The following OCA2 variants were observed in gnomAD, a reference collection of about 807,000 sequenced individuals.
The protein encoded by OCA2 is P protein.
A neutral mutation model predicts 100.2 loss-of-function variants in OCA2; 77 were observed. The ratio of observed to expected loss-of-function variants is 0.77; its 90% CI spans 0.64 to 0.93. OCA2 has a LOEUF of 0.93. OCA2 is among the 40% of genes least tolerant of loss of function. The probability of loss-of-function intolerance (pLI) is 0.00; values close to 1 mark genes in which losing one functional copy is unlikely to be tolerated. For missense variants in OCA2, 1,062 were observed against 1,089.1 expected, an observed-to-expected ratio of 0.98 and a Z score of 0.35; for synonymous variants, 432 against 439.2, an observed-to-expected ratio of 0.98 and a Z score of 0.21.
At chr15:27,809,023 C>T (rs1400859944) in intron 23 of OCA2, among the ~76,000 whole-genome samples, 1 of 152,178 alleles carries the variant, frequency 6.6e-6, no homozygotes, top group Non-Finnish European at 1.5e-5. Flanking sequence ...GTCCTCCACA[C>T]CATTAGCTCA....
chr15:27,770,815 TCCC>T, intron 23 of OCA2, among the ~76,000 whole-genome samples: 1 of 130,238 alleles, frequency 7.7e-6, no homozygotes, highest in African/African-American at 3.1e-5. Context: ...CCTTCCTTCC[TCCC>T]TTCCATTCTT....
At position 27,957,245 on chromosome 15, in the gene OCA2, T is replaced by G. The variant is rs2040252678; in HGVS notation, c.1784+343A>C. ...TAGTCTTTGCATTAATGGTTTTTGG[T>G]TTTTGTCGTGCAACAATTACAATGT... On this transcript the variant is annotated intron_variant, in intron 16 of 23. Coordinates refer to ENST00000354638, the MANE Select transcript of OCA2 (RefSeq NM_000275.3). The surrounding 1 kb of genome is among the most constrained non-coding windows in gnomAD (Gnocchi z 4.3). Among the ~76,000 whole-genome samples, 1 of 152,190 alleles carries G rather than the reference T, an allele frequency of 6.6e-6. No homozygotes were observed. The highest frequency in any genetic ancestry group is 2.1e-4 in the South Asian group (1 of 4,834).
At chr15:27,879,315 T>C (rs1042384497) in intron 19 of OCA2, among the ~76,000 whole-genome samples, 7 of 152,204 alleles carry the variant, frequency 4.6e-5, no homozygotes, top group Non-Finnish European at 1.0e-4. Context: ...GCAGTGAACA[T>C]ATAAGTGCAT....
chr15:27,737,500 G>A, the OCA2 span, among the ~76,000 whole-genome samples: 1 of 152,088 alleles, frequency 6.6e-6, no homozygotes, highest in Non-Finnish European at 1.5e-5. Context: ...ACCAGAAAGA[G>A]AAGAGATAGT....
chr15:27,840,707 T>C (rs1348356039), intron 23 of OCA2, among the ~76,000 whole-genome samples: 1 of 152,120 alleles, frequency 6.6e-6, no homozygotes, highest in Admixed American at 6.5e-5. Flanking sequence ...GTGATATCCA[T>C]ATGCAAAAAT....
chr15:27,795,820 G>C (rs891496708), intron 23 of OCA2, among the ~76,000 whole-genome samples: 16 of 152,184 alleles, frequency 1.1e-4, no homozygotes, highest in Admixed American at 9.8e-4. Context: ...ACTCTTAGCG[G>C]TATGTCTCCA....
At chr15:27,860,423 C>T (rs986685235) in intron 21 of OCA2, among the ~76,000 whole-genome samples, 2 of 152,144 alleles carry the variant, frequency 1.3e-5, no homozygotes, top group African/African-American at 2.4e-5. Flanking sequence ...AGTACCTGCT[C>T]GGTAGTTTTT....
intron 19 of OCA2, among the ~76,000 whole-genome samples, chr15:27,913,901 A>AAGAAAG (rs1567098757): frequency 5.7e-5 from 2 of 34,816 alleles, no homozygotes; most frequent in African/African-American, 1.1e-4. Flanking sequence ...GAAAGCAAGC[A>AAGAAAG]AGCAAGCAAG....
intron 1 of OCA2, among the ~76,000 whole-genome samples, chr15:28,091,115 A>G (rs1031967804): frequency 6.6e-6 from 1 of 152,204 alleles, no homozygotes; most frequent in Non-Finnish European, 1.5e-5. Flanking sequence ...CTCAAAAAGC[A>G]CAAATTACTA....
At chr15:27,813,510 A>C (rs1323549402) in intron 23 of OCA2, among the ~76,000 whole-genome samples, 1 of 152,244 alleles carries the variant, frequency 6.6e-6, no homozygotes, top group Admixed American at 6.5e-5. Flanking sequence ...GGAAATGTTC[A>C]TAGTCTTCTA....
intron 23 of OCA2, among the ~76,000 whole-genome samples, chr15:27,799,224 AAG>A (rs2033483009): frequency 6.6e-6 from 1 of 152,164 alleles, no homozygotes; most frequent in South Asian, 2.1e-4. Flanking sequence ...CATTCACTCA[AAG>A]TACACTAAAC....
At chr15:27,916,611 A>C (rs571829358) in intron 19 of OCA2, among the ~76,000 whole-genome samples, 1 of 152,342 alleles carries the variant, frequency 6.6e-6, no homozygotes. Flanking sequence ...ATGCTCCATT[A>C]TCCAAATTTA....
rs1204760169 is a variant in OCA2, at chr15:27,951,847, A to T, written c.1888T>A (p.Leu630Met). 2.5e-6 allele frequency: 4 copies of T among 1,613,976 alleles called. No homozygotes were observed. In the African/African-American group the frequency reaches 5.3e-5, roughly 22 times the overall value. ...GILLAKCLTV[L>M]GFVIFMFFLN... ...AAAAACATGAAGATAACAAATCCCA[A>T]CACTGTCAGGCATTTGGCGAGCAGA... is the stretch of plus-strand genomic sequence containing the variant. The change falls in exon 18 of 24, where the codon TTG becomes ATG. Residue 630 changes from leucine to methionine, a missense_variant. Coordinates refer to ENST00000354638, the MANE Select transcript of OCA2 (RefSeq NM_000275.3).
intron 18 of OCA2, among the ~76,000 whole-genome samples, chr15:27,927,886 G>T (rs1459559995): frequency 7.1e-6 from 1 of 141,798 alleles, no homozygotes; most frequent in African/African-American, 2.7e-5. Context: ...CCATCTCTCA[G>T]ATTCAAGTGA....
intron 9 of OCA2, among the ~76,000 whole-genome samples, chr15:27,993,890 G>A (rs1484701768): frequency 6.6e-6 from 1 of 152,152 alleles, no homozygotes; most frequent in African/African-American, 2.4e-5. Flanking sequence ...CCTCTAGGAT[G>A]TGGAATAAAA....
chr15:27,838,961 C>T (rs892256014), intron 23 of OCA2, among the ~76,000 whole-genome samples: 11 of 151,984 alleles, frequency 7.2e-5, no homozygotes, highest in African/African-American at 2.2e-4. Flanking sequence ...AACTTAATCA[C>T]GGATCTAAGA....
intron 12 of OCA2, 31 bp downstream of exon 12, chr15:27,986,556 A>G (rs1171939226): frequency 7.5e-7 from 1 of 1,328,518 alleles, no homozygotes; most frequent in South Asian, 1.2e-5. Flanking sequence ...ATTAATCAGG[A>G]TAGAATTATT....
chr15:28,059,948 C>T (rs1449445972), intron 2 of OCA2, among the ~76,000 whole-genome samples: 2 of 152,238 alleles, frequency 1.3e-5, no homozygotes, highest in East Asian at 3.9e-4. Flanking sequence ...GACTCCCAAT[C>T]AGGATTTCTC....
chr15:27,990,256 T>C (rs551097384), intron 10 of OCA2, among the ~76,000 whole-genome samples: 1 of 152,080 alleles, frequency 6.6e-6, no homozygotes, highest in East Asian at 1.9e-4. Flanking sequence ...GCTAGGACGG[T>C]CCCCTCTAGT....
Sources: gnomAD v4.1 joint callset for allele counts (sites outside exome capture counted in the v4.1 genomes callset) on GRCh38, gnomAD v4.1.1 for gene constraint, Gnocchi (gnomAD v3.1) non-coding constraint, MANE v1.5 for transcripts, NCBI Gene and HGNC (gene_info 2026-07-23, HGNC 2026-07-21) for gene names.